TLL1: variants seen among roughly 807,000 people sequenced by gnomAD.
The protein encoded by TLL1 is tolloid-like protein 1.
Under a neutral mutation model 128.2 loss-of-function variants are expected in TLL1, and 49 were observed. That is an observed-to-expected ratio of 0.38 (90% confidence interval 0.30 to 0.48). The LOEUF (loss-of-function observed/expected upper bound fraction) is 0.48, where lower values mean the gene tolerates loss of function less well. TLL1 is among the 20% of genes least tolerant of loss of function. The probability of loss-of-function intolerance (pLI) is 0.96; values close to 1 mark genes in which losing one functional copy is unlikely to be tolerated. For synonymous variants in TLL1, 454 were observed against 418.8 expected (o/e 1.08, Z -1.03); for missense variants, 1,123 against 1,242.0 (o/e 0.90, Z 1.44).
chr4:166,027,251 GA>G (rs997826627), intron 9 of TLL1, among the ~76,000 whole-genome samples: 2 of 152,106 alleles, frequency 1.3e-5, no homozygotes, highest in Non-Finnish European at 2.9e-5. Context: ...GGGGGAGCCT[GA>G]AAAGGGGGAA....
intron 2 of TLL1, 102 bp from the exon 3 acceptor site, chr4:165,992,702 T>C (rs1297945297): frequency 7.2e-6 from 8 of 1,116,026 alleles, no homozygotes; most frequent in Non-Finnish European, 1.1e-5. Flanking sequence ...TAAGACCACA[T>C]AAAAAATGAC....
intron 9 of TLL1, among the ~76,000 whole-genome samples, chr4:166,029,932 A>G (rs942404865): frequency 6.6e-6 from 1 of 152,064 alleles, no homozygotes; most frequent in Non-Finnish European, 1.5e-5. Flanking sequence ...GCTATTGTGA[A>G]TAGTGCTGAT....
intron 8 of TLL1, among the ~76,000 whole-genome samples, chr4:166,024,491 T>G (rs7698779): frequency 0.023 from 3,449 of 152,286 alleles, 127 homozygotes; most frequent in African/African-American, 0.078. Context: ...ATTCTTAAGT[T>G]AAAGATACTT....
At chr4:165,957,283 C>A (rs557937680) in intron 1 of TLL1, among the ~76,000 whole-genome samples, 1 of 152,160 alleles carries the variant, frequency 6.6e-6, no homozygotes, top group South Asian at 2.1e-4. Flanking sequence ...GTAAAGGATT[C>A]AATTCACAAG....
At chr4:165,999,542 C>G (rs58264712) in intron 5 of TLL1, among the ~76,000 whole-genome samples, 2,417 of 152,212 alleles carry the variant, frequency 0.016, 66 homozygotes, top group African/African-American at 0.055. Context: ...TTCCCACCAG[C>G]TCGGTCCCTC....
At chr4:165,925,566 C>G (rs1733232144) in intron 1 of TLL1, among the ~76,000 whole-genome samples, 1 of 151,918 alleles carries the variant, frequency 6.6e-6, no homozygotes, top group Non-Finnish European at 1.5e-5. Flanking sequence ...TAGAATATAC[C>G]CCAGGTGAAG....
In TLL1 at chr4:166,043,438, T is replaced by C. The variant is rs768190621; in HGVS notation, c.1524+19T>C. ...CTTTGAGGTAAAGTCTTTTAGGCTA[T>C]CTTCCTGGCAAATATTCTCCATAAA... is the stretch of plus-strand genomic sequence containing the variant. On this transcript the variant is annotated intron_variant, in intron 12 of 20. Transcript: ENST00000061240. 3 of 1,614,064 alleles carry C rather than the reference T, an allele frequency of 1.9e-6. No individual in the cohort carries two copies. The South Asian group carries it at 3.3e-5, about 18-fold the overall frequency.
rs190539749 is a variant in TLL1 at position 166,038,006 on chromosome 4, G to A, written c.1159-1333G>A. ...GTGGTACCTAGATATGAGATGCCCTGAGAAATATTTATAGTTATCCTGTGT... is the reference window on the plus strand; with the variant it reads ...GTGGTACCTAGATATGAGATGCCCTAAGAAATATTTATAGTTATCCTGTGT... On this transcript the variant is annotated intron_variant, in intron 9 of 20. Coordinates refer to ENST00000061240, the MANE Select transcript of TLL1 (RefSeq NM_012464.5). 3.3e-5 allele frequency among the ~76,000 whole-genome samples: 5 copies of A among 152,152 alleles called. No homozygotes were observed. In the East Asian group the frequency reaches 9.7e-4, roughly 29 times the overall value.
intron 1 of TLL1, among the ~76,000 whole-genome samples, chr4:165,924,312 G>C (rs1027853964): frequency 2.6e-5 from 4 of 152,176 alleles, no homozygotes; most frequent in African/African-American, 9.7e-5. Context: ...CAAAGGAAAA[G>C]TGCTTGAAGG....
Position 166,055,167 on chromosome 4 carries a change from A to G in TLL1, c.1616A>G (p.Tyr539Cys). 3.7e-6 allele frequency: 6 copies of G among 1,613,668 alleles called. No homozygotes were observed. The highest frequency in any genetic ancestry group is 2.2e-5 in the South Asian group (2 of 91,062). Residue 539 changes from tyrosine (Y) to cysteine (C), a missense_variant, in exon 13 of 21, where the codon TAT becomes TGT. Tyr to Cys is a radical substitution (Grantham distance 194). This residue lies in a region of TLL1 where 634 missense variants were observed against 672.4 expected (regional missense o/e 0.94). Coordinates refer to ENST00000061240, the MANE Select transcript of TLL1 (RefSeq NM_012464.5). ...NSPLIGRFCG[Y>C]DKPEDIRSTS... is the part of the protein sequence containing the mutation. ...CCTTTGATAGGGCGTTTCTGTGGTT[A>G]TGACAAACCTGAAGACATAAGATCT... is the stretch of plus-strand genomic sequence containing the variant.
intron 7 of TLL1, among the ~76,000 whole-genome samples, chr4:166,009,269 A>G (rs1304763567): frequency 6.6e-6 from 1 of 151,524 alleles, no homozygotes; most frequent in Non-Finnish European, 1.5e-5. Flanking sequence ...ATGGATATTT[A>G]GGTTCCAGTT....
At chr4:166,038,320 G>T (rs144756637) in intron 9 of TLL1, among the ~76,000 whole-genome samples, 1 of 151,212 alleles carries the variant, frequency 6.6e-6, no homozygotes, top group Non-Finnish European at 1.5e-5. Context: ...AGGGATTTTT[G>T]AATATTGCTA....
chr4:165,959,956 C>A (rs544070599), intron 1 of TLL1, among the ~76,000 whole-genome samples: 1 of 151,804 alleles, frequency 6.6e-6, no homozygotes, highest in Non-Finnish European at 1.5e-5. Context: ...CAAACTAACC[C>A]GAAAGGTAAC....
chr4:165,966,487 C>G (rs1218058142), intron 1 of TLL1, among the ~76,000 whole-genome samples: 1 of 152,138 alleles, frequency 6.6e-6, no homozygotes, highest in African/African-American at 2.4e-5. Flanking sequence ...AATGTTCACA[C>G]TCTGAGAAAT....
chr4:165,979,985 T>A (rs1342389174), intron 1 of TLL1, among the ~76,000 whole-genome samples: 2 of 152,142 alleles, frequency 1.3e-5, no homozygotes, highest in African/African-American at 2.4e-5. Context: ...AGAAAGGTTT[T>A]GGTTAGATGT....
chr4:165,936,019 CTT>C (rs942715333), intron 1 of TLL1, among the ~76,000 whole-genome samples: 2 of 145,060 alleles, frequency 1.4e-5, no homozygotes, highest in African/African-American at 2.5e-5. Context: ...CTGGTTTTAA[CTT>C]TTTTTTTTTC....
At chr4:165,896,442 A>G (rs1259476231) in intron 1 of TLL1, among the ~76,000 whole-genome samples, 1 of 149,566 alleles carries the variant, frequency 6.7e-6, no homozygotes, top group Admixed American at 6.7e-5. Flanking sequence ...CTTTGGGTAT[A>G]TACCCAGTAA....
At chr4:165,940,726 A>T (rs1733969183) in intron 1 of TLL1, among the ~76,000 whole-genome samples, 1 of 152,060 alleles carries the variant, frequency 6.6e-6, no homozygotes, top group African/African-American at 2.4e-5. Context: ...TATTGTTAGG[A>T]AAGATATGAT....
intron 9 of TLL1, among the ~76,000 whole-genome samples, chr4:166,030,189 G>C (rs1738697949): frequency 6.6e-6 from 1 of 152,050 alleles, no homozygotes. Flanking sequence ...CCATCCTACT[G>C]GGTGTCAGGT....
Sources: gnomAD v4.1 joint callset for allele counts (sites outside exome capture counted in the v4.1 genomes callset) on GRCh38, gnomAD v4.1.1 for gene constraint, gnomAD v4.1.1 regional missense constraint, MANE v1.5 for transcripts, NCBI Gene and HGNC (gene_info 2026-07-23, HGNC 2026-07-21) for gene names.